AFF3: variants seen among roughly 807,000 people sequenced by gnomAD.
The protein encoded by AFF3 is ALF transcription elongation factor 3.
In AFF3, 32 loss-of-function variants were observed where a neutral mutation model predicts 129.7. The observed-to-expected ratio is 0.25, with a 90% CI of 0.19 to 0.33. The LOEUF is 0.33. AFF3 is among the 10% of genes least tolerant of loss of function. AFF3 has a pLI of 1.00. For missense variants in AFF3, 1,373 were observed against 1,592.0 expected (o/e 0.86, Z 2.34); for synonymous variants, 644 against 635.4 (o/e 1.01, Z -0.20).
At chr2:99,742,379 C>T (rs1680791059) in intron 10 of AFF3, among the ~76,000 whole-genome samples, 1 of 152,072 alleles carries the variant, frequency 6.6e-6, no homozygotes, top group African/African-American at 2.4e-5. Context: ...CCCCTTACTC[C>T]TAGAAAAGAA....
At chr2:99,726,810 C>T (rs1231306525) in intron 11 of AFF3, among the ~76,000 whole-genome samples, 2 of 152,170 alleles carry the variant, frequency 1.3e-5, no homozygotes, top group African/African-American at 4.8e-5. Context: ...AGTCTCCAAC[C>T]AAATCCCCCC....
chr2:99,890,584 A>C (rs1693474164), intron 7 of AFF3, among the ~76,000 whole-genome samples: 1 of 152,110 alleles, frequency 6.6e-6, no homozygotes, highest in South Asian at 2.1e-4. Context: ...CAGGAGGAAG[A>C]AGCGGGCAAC....
intron 7 of AFF3, among the ~76,000 whole-genome samples, chr2:99,990,192 G>A (rs1005592023): frequency 5.9e-5 from 9 of 152,030 alleles, no homozygotes; most frequent in African/African-American, 2.2e-4. Context: ...GTTCGAGGAG[G>A]TTTCCGTTGG....
intron 4 of AFF3, among the ~76,000 whole-genome samples, chr2:100,036,697 T>C (rs555814295): frequency 6.6e-6 from 1 of 151,854 alleles, no homozygotes; most frequent in African/African-American, 2.4e-5. Flanking sequence ...GGGGCAGTAG[T>C]CTCATGATAT....
chr2:99,619,043 G>A (rs543927785), intron 13 of AFF3, among the ~76,000 whole-genome samples: 39 of 152,250 alleles, frequency 2.6e-4, no homozygotes, highest in African/African-American at 6.3e-4. Flanking sequence ...TACCATGCCC[G>A]GCCCAGACAG....
intron 4 of AFF3, among the ~76,000 whole-genome samples, chr2:100,027,003 C>T (rs1382403383): frequency 6.6e-6 from 1 of 151,828 alleles, no homozygotes; most frequent in Non-Finnish European, 1.5e-5. Flanking sequence ...GTGATGAGTA[C>T]ACAAAATCTC....
At chr2:100,054,404 T>C (rs1366021884) in intron 4 of AFF3, among the ~76,000 whole-genome samples, 3 of 152,208 alleles carry the variant, frequency 2.0e-5, no homozygotes, top group Non-Finnish European at 2.9e-5. Flanking sequence ...CCCAGACAAT[T>C]GGCTGAAAGC....
intron 4 of AFF3, among the ~76,000 whole-genome samples, chr2:100,058,118 A>G (rs912884206): frequency 5.3e-5 from 8 of 152,256 alleles, no homozygotes; most frequent in African/African-American, 1.9e-4. Flanking sequence ...CTACAAAAAC[A>G]GTAACCATTT....
At chr2:99,811,904 C>T (rs148122395) in intron 8 of AFF3, among the ~76,000 whole-genome samples, 13 of 152,342 alleles carry the variant, frequency 8.5e-5, no homozygotes, top group Non-Finnish European at 1.6e-4. Context: ...GTGGTAGCTA[C>T]GTACCTGAAC....
chr2:99,641,498 T>C (rs778351964), intron 13 of AFF3, among the ~76,000 whole-genome samples: 4 of 152,114 alleles, frequency 2.6e-5, no homozygotes, highest in Non-Finnish European at 4.4e-5. Flanking sequence ...GCCAACATGG[T>C]GAAACCCCAT....
At position 99,895,071 on chromosome 2, in the gene AFF3, C is replaced by T. The variant is rs1375657653; in HGVS notation, c.874-57547G>A. ...GTAACTGACACATGAGAAACCACAC[C>T]ATGATTACACCACGATTTACTGAAC... On this transcript the variant is annotated intron_variant, in intron 7 of 24. Coordinates refer to ENST00000672756, the MANE Select transcript of AFF3 (RefSeq NM_001386135.1). Among the ~76,000 whole-genome samples the T allele has an allele frequency of 2.0e-5, 3 of 152,182 alleles. No homozygotes were observed. The East Asian group carries it at 5.8e-4, about 29-fold the overall frequency.
chr2:100,025,881 C>A (rs766806711), intron 4 of AFF3, among the ~76,000 whole-genome samples: 13 of 152,292 alleles, frequency 8.5e-5, no homozygotes, highest in Non-Finnish European at 1.8e-4. Context: ...CATCTCTCGC[C>A]TTATACAAAA....
chr2:99,764,349 C>T (rs1265159017), intron 8 of AFF3, among the ~76,000 whole-genome samples: 1 of 152,132 alleles, frequency 6.6e-6, no homozygotes, highest in Non-Finnish European at 1.5e-5. Context: ...AGTCAAGATA[C>T]AGTCTTCACC....
chr2:99,704,617 A>C (rs1341614515), intron 11 of AFF3, among the ~76,000 whole-genome samples: 3 of 152,204 alleles, frequency 2.0e-5, no homozygotes, highest in African/African-American at 7.2e-5. Flanking sequence ...AACTATCTTC[A>C]ATAGCTCAGC....
intron 8 of AFF3, among the ~76,000 whole-genome samples, chr2:99,793,048 C>A (rs372115342): frequency 3.9e-5 from 6 of 152,232 alleles, no homozygotes; most frequent in African/African-American, 1.4e-4. Flanking sequence ...TGTTGAAATG[C>A]GATGACCCCT....
chr2:99,563,331 CA>C (rs1318390973), intron 20 of AFF3, among the ~76,000 whole-genome samples: 4 of 151,724 alleles, frequency 2.6e-5, no homozygotes, highest in Non-Finnish European at 4.4e-5. Context: ...GCTAGGACTA[CA>C]GGTGCCGGCC....
At chr2:99,605,957 G>C (rs1226513255) in intron 13 of AFF3, among the ~76,000 whole-genome samples, 1 of 152,000 alleles carries the variant, frequency 6.6e-6, no homozygotes, top group Non-Finnish European at 1.5e-5. Context: ...CAAAGTGCTG[G>C]GATTACAGGT....
In AFF3 at chr2:99,706,663, T is replaced by C. The variant is rs183104519; in HGVS notation, c.1091+20414A>G. 4.0e-3 allele frequency among the ~76,000 whole-genome samples: 615 copies of C among 152,294 alleles called. 5 individuals carry two copies. The highest frequency in any genetic ancestry group is 0.014 in the African/African-American group (592 of 41,550). On this transcript the variant is annotated intron_variant, in intron 11 of 24. Coordinates refer to ENST00000672756, the MANE Select transcript of AFF3 (RefSeq NM_001386135.1). ...GCAATAATAGTTCATATTTCACTGA[T>C]TAGAAAAAAATATTATCAGGCAGAC...
chr2:99,730,382 T>C (rs1305112563), intron 10 of AFF3, among the ~76,000 whole-genome samples: 1 of 152,208 alleles, frequency 6.6e-6, no homozygotes, highest in African/African-American at 2.4e-5. Context: ...AACATTTAAA[T>C]GGACTGCACT....
Sources: allele counts gnomAD v4.1 joint callset (sites outside exome capture counted in the v4.1 genomes callset), GRCh38; gene constraint gnomAD v4.1.1; transcripts MANE v1.5; gene names NCBI Gene and HGNC (gene_info 2026-07-23, HGNC 2026-07-21).